Variants in VAC14 observed in about 807,000 individuals in gnomAD.
The protein encoded by VAC14 is VAC14 component of PIKFYVE complex.
A neutral mutation model predicts 85.3 loss-of-function variants in VAC14; 47 were observed. That is an observed-to-expected ratio of 0.55 (90% CI 0.44 to 0.70). The LOEUF is 0.70. Among genes scored for constraint, VAC14 ranks in the 30% least tolerant of loss-of-function variants. VAC14 has a pLI of 0.00. For synonymous variants in VAC14, 447 were observed against 430.5 expected (o/e 1.04, Z -0.47); for missense variants, 861 against 1,004.3 (o/e 0.86, Z 1.93).
rs760680848 is a variant in VAC14 at position 70,784,197 on chromosome 16, C to T, written c.510G>A (p.Lys170=). The T allele has an allele frequency of 1.2e-6, 2 of 1,614,188 alleles. No individual in the cohort carries two copies. Among genetic ancestry groups the T allele is most frequent in the Non-Finnish European group, 1.7e-6 (2 of 1,180,046 alleles). The change falls in exon 5 of 19, where the codon AAG becomes AAA. Residue 170 remains lysine, a synonymous_variant. Transcript: ENST00000261776. Reference sequence around the variant, plus strand: ...AGGGGATGAAGCTCACCAGGTCAAACTTGTTGCTCTCAGTCACAATGTCCT... The same window carrying T: ...AGGGGATGAAGCTCACCAGGTCAAATTTGTTGCTCTCAGTCACAATGTCCT... ...LLKDIVTESN[K]FDLVSFIPLL...
intron 13 of VAC14, among the ~76,000 whole-genome samples, chr16:70,738,386 C>A (rs1031463177): frequency 2.0e-5 from 3 of 152,182 alleles, no homozygotes; most frequent in African/African-American, 7.2e-5. Flanking sequence ...TCAATCATAG[C>A]CAGGAGACTT....
At position 70,718,938 on chromosome 16, in the gene VAC14, G is replaced by A. The variant is rs893532552; in HGVS notation, c.1661+12557C>T. 2.6e-5 allele frequency among the ~76,000 whole-genome samples: 4 copies of A among 152,306 alleles called. No individual in the cohort carries two copies. In the South Asian group the frequency reaches 6.2e-4, roughly 24 times the overall value. Reference sequence around the variant, plus strand: ...TCTTGCTGACCCTGGTCTTGGTCTGGATACAGAGGCCAGTGAAGTTCCTTT... The same window carrying A: ...TCTTGCTGACCCTGGTCTTGGTCTGAATACAGAGGCCAGTGAAGTTCCTTT... On this transcript the variant is annotated intron_variant, in intron 14 of 18. Coordinates refer to ENST00000261776, the MANE Select transcript of VAC14 (RefSeq NM_018052.5).
At chr16:70,774,584 C>T (rs930355043) in intron 9 of VAC14, among the ~76,000 whole-genome samples, 1 of 152,132 alleles carries the variant, frequency 6.6e-6, no homozygotes, top group Admixed American at 6.5e-5. Context: ...AACATGTCCC[C>T]AGTGATTGAC....
intron 14 of VAC14, among the ~76,000 whole-genome samples, chr16:70,723,327 C>T (rs1438564531): frequency 6.6e-6 from 1 of 152,040 alleles, no homozygotes; most frequent in Non-Finnish European, 1.5e-5. Flanking sequence ...CCTATAGTCC[C>T]AGCTACTTGA....
intron 9 of VAC14, among the ~76,000 whole-genome samples, chr16:70,773,842 G>A (rs2033376311): frequency 6.6e-6 from 1 of 151,892 alleles, no homozygotes; most frequent in Admixed American, 6.6e-5. Context: ...TTGGCTCACT[G>A]CAATCTTCGC....
intron 12 of VAC14, 140 bp from the exon 13 acceptor site, chr16:70,744,719 T>C: frequency 1.0e-6 from 1 of 981,702 alleles, no homozygotes; most frequent in South Asian, 1.8e-5. Context: ...GAAGAGCCAC[T>C]AAGGCCACAG....
chr16:70,775,043 T>C (rs920226952), intron 9 of VAC14, among the ~76,000 whole-genome samples: 9 of 152,272 alleles, frequency 5.9e-5, no homozygotes, highest in Middle Eastern at 3.4e-3. Flanking sequence ...TGAGCCACCA[T>C]GCCCAGCGTA....
intron 13 of VAC14, among the ~76,000 whole-genome samples, chr16:70,744,210 G>T (rs1052020270): frequency 1.3e-5 from 2 of 152,146 alleles, no homozygotes; most frequent in African/African-American, 4.8e-5. Context: ...AGAAAGTCCT[G>T]TGAGGGTCTC....
chr16:70,731,842 C>T (rs1466639185), intron 13 of VAC14, among the ~76,000 whole-genome samples: 1 of 152,028 alleles, frequency 6.6e-6, no homozygotes, highest in African/African-American at 2.4e-5. Flanking sequence ...TGCAAAAATG[C>T]CCACTAGTTA....
chr16:70,785,456 C>T (rs2034005464), intron 3 of VAC14, among the ~76,000 whole-genome samples: 1 of 152,220 alleles, frequency 6.6e-6, no homozygotes, highest in African/African-American at 2.4e-5. Flanking sequence ...CAGCTTCTTC[C>T]CTCTACTGTA....
At chr16:70,763,517 G>A (rs1049910875) in intron 10 of VAC14, among the ~76,000 whole-genome samples, 1 of 152,164 alleles carries the variant, frequency 6.6e-6, no homozygotes, top group African/African-American at 2.4e-5. Flanking sequence ...GTTGACCTCC[G>A]CCAGGCCCTT....
intron 14 of VAC14, among the ~76,000 whole-genome samples, chr16:70,728,084 G>T (rs1294146327): frequency 2.6e-5 from 4 of 152,218 alleles, no homozygotes; most frequent in Non-Finnish European, 5.9e-5. Context: ...TTCTAGTGGG[G>T]ATGCCAATGG....
In VAC14 at chr16:70,800,937, G is replaced by T. The variant is rs1417440242; in HGVS notation, c.-37C>A. 1 of 1,499,834 alleles carries T rather than the reference G, an allele frequency of 6.7e-7. No homozygotes were observed. Among genetic ancestry groups the T allele is most frequent in the Admixed American group, 2.1e-5 (1 of 48,612 alleles). 92.9% of individuals were successfully genotyped at this position (1,499,834 alleles called of 1,614,324 possible). On this transcript the variant is annotated 5_prime_UTR_variant, in exon 1 of 19. Coordinates refer to ENST00000261776, the MANE Select transcript of VAC14 (RefSeq NM_018052.5). ...GGGGAACCTCGCGACTCCTTAGCCC[G>T]CGGCTGCCGGGGCCGCGCCGGGGCC...
At chr16:70,723,873 C>T (rs930253753) in intron 14 of VAC14, among the ~76,000 whole-genome samples, 8 of 152,246 alleles carry the variant, frequency 5.3e-5, no homozygotes, top group East Asian at 1.9e-4. Context: ...AGCTTTCCCA[C>T]CAATCTGCTG....
chr16:70,754,348 A>G (rs917359631), intron 12 of VAC14, among the ~76,000 whole-genome samples: 1 of 152,162 alleles, frequency 6.6e-6, no homozygotes, highest in African/African-American at 2.4e-5. Context: ...TTTGCCGCCA[A>G]GCCTCATTTT....
At chr16:70,698,529 G>A (rs971909646) in intron 15 of VAC14, 108 bp downstream of exon 15, 148 of 1,378,900 alleles carry the variant, frequency 1.1e-4, no homozygotes, top group Admixed American at 1.7e-4. Context: ...TTTCAACCCC[G>A]TCTTCTCCCT....
At chr16:70,787,299 C>A (rs571558148) in intron 1 of VAC14, among the ~76,000 whole-genome samples, 1 of 152,262 alleles carries the variant, frequency 6.6e-6, no homozygotes, top group East Asian at 1.9e-4. Context: ...GCAGCAGGGA[C>A]TGTTTCTAGA....
intron 12 of VAC14, among the ~76,000 whole-genome samples, chr16:70,757,823 A>G (rs1162056372): frequency 1.3e-5 from 2 of 152,176 alleles, no homozygotes; most frequent in Non-Finnish European, 2.9e-5. Context: ...GACATTCATG[A>G]TCTCATTTCA....
intron 14 of VAC14, chr16:70,699,428 G>C (rs989847766): frequency 1.3e-5 from 2 of 153,066 alleles, no homozygotes; most frequent in African/African-American, 4.8e-5. Flanking sequence ...ACTTGACTAA[G>C]GTCGCAGAGT....
Sources: allele counts gnomAD v4.1 joint callset (sites outside exome capture counted in the v4.1 genomes callset), GRCh38; gene constraint gnomAD v4.1.1; transcripts MANE v1.5; gene names NCBI Gene and HGNC (gene_info 2026-07-23, HGNC 2026-07-21).